The following HNRNPU variants were observed in gnomAD, a reference collection of about 807,000 sequenced individuals.
The protein encoded by HNRNPU is heterogeneous nuclear ribonucleoprotein U.
A neutral mutation model predicts 94.7 loss-of-function variants in HNRNPU; 5 were observed. That is an observed-to-expected ratio of 0.05 (90% CI 0.03 to 0.11). HNRNPU has a LOEUF of 0.11. Ranked by LOEUF, HNRNPU falls within the 10% of genes least tolerant of loss-of-function variation. HNRNPU has a pLI of 1.00. For missense variants in HNRNPU, 710 were observed against 1,049.2 expected, an observed-to-expected ratio of 0.68 and a Z score of 4.47; for synonymous variants, 434 against 381.6, an observed-to-expected ratio of 1.14 and a Z score of -1.60.
intron 13 of HNRNPU, 155 bp downstream of exon 13, chr1:244,854,818 G>A: frequency 1.7e-6 from 1 of 583,242 alleles, no homozygotes; most frequent in Non-Finnish European, 2.9e-6. Context: ...GCCTTCAAAA[G>A]GTAGATTATG....
At chr1:244,856,211 C>T in intron 10 of HNRNPU, 53 bp from the exon 11 acceptor site, 1 of 1,538,760 alleles carries the variant, frequency 6.5e-7, no homozygotes, top group East Asian at 2.2e-5. Flanking sequence ...CGAATCCTCA[C>T]AATCCTAAAG....
Position 244,864,339 on chromosome 1 carries a change from C to T in HNRNPU, c.-32G>A. On this transcript the variant is annotated 5_prime_UTR_variant, in exon 1 of 14. Coordinates refer to ENST00000640218, the MANE Select transcript of HNRNPU (RefSeq NM_031844.3). ...GGCCCCGATTCACCGCTAGGCGCTGCCTCAAACTCGGCTCCGCTCACTCGG... is the reference window on the plus strand; with the variant it reads ...GGCCCCGATTCACCGCTAGGCGCTGTCTCAAACTCGGCTCCGCTCACTCGG... The T allele has an allele frequency of 6.2e-7, 1 of 1,605,356 alleles. No homozygotes were observed. The highest frequency in any genetic ancestry group is 1.1e-5 in the South Asian group (1 of 89,966).
At chr1:244,855,391 T>C (rs1243072345) in intron 12 of HNRNPU, 33 bp downstream of exon 12, 1 of 1,598,230 alleles carries the variant, frequency 6.3e-7, no homozygotes, top group Non-Finnish European at 8.6e-7. Context: ...GCTACAGTTA[T>C]CAATCATGCT....
intron 10 of HNRNPU, 27 bp from the exon 11 acceptor site, chr1:244,856,185 A>G (rs368623466): frequency 7.0e-6 from 11 of 1,580,066 alleles, no homozygotes; most frequent in East Asian, 4.5e-5. Flanking sequence ...CATATTATTA[A>G]TTTAGAAACC....
intron 10 of HNRNPU, 38 bp from the exon 11 acceptor site, chr1:244,856,196 C>T: frequency 2.6e-6 from 4 of 1,566,486 alleles, no homozygotes; most frequent in Non-Finnish European, 3.5e-6. Context: ...TTTAGAAACC[C>T]ACCACGAATC....
rs899381913 is a variant in HNRNPU at position 244,850,604 on chromosome 1, G to T, written c.*3846C>A. ...TAGTAATTCAAATTACTGTTTTAGA[G>T]ATCTCAGGTAGTTAACCAATTCTTG... is the stretch of plus-strand genomic sequence containing the variant. On this transcript the variant is annotated 3_prime_UTR_variant, in exon 14 of 14. Coordinates refer to ENST00000640218, the MANE Select transcript of HNRNPU (RefSeq NM_031844.3). 1.3e-5 allele frequency: 2 copies of T among 152,036 alleles called. No individual in the cohort carries two copies. Among genetic ancestry groups the T allele is most frequent in the Non-Finnish European group, 2.9e-5 (2 of 68,006 alleles). 9.4% of individuals were successfully genotyped at this position (152,036 alleles called of 1,614,324 possible). A position where few individuals can be genotyped will look rare whatever the true frequency, so the allele number is the denominator to read the frequency against.
At position 244,863,664 on chromosome 1, in the gene HNRNPU, T is replaced by G. The variant is rs780601141; in HGVS notation, c.644A>C (p.Lys215Thr). 1.3e-5 allele frequency: 20 copies of G among 1,560,006 alleles called. No homozygotes were observed. Among genetic ancestry groups the G allele is most frequent in the African/African-American group, 7.1e-5 (5 of 70,626 alleles). The change falls in exon 1 of 14, where the codon AAG becomes ACG. Residue 215 changes from lysine to threonine, a missense_variant. Physicochemically the swap from Lys to Thr is moderately conservative, Grantham distance 78. Transcript: ENST00000640218. ...ACCGCCGCCTCCGCCGCCTTCCGCC[T>G]TCTTCTTACCTCCCGCCTGCTGCTG... ...QGQQQAGGKK[K>T]AEGGGGGGRP...
chr1:244,859,000 G>C (rs564138550), intron 5 of HNRNPU, 159 bp from the exon 6 acceptor site: 9 of 595,718 alleles, frequency 1.5e-5, no homozygotes, highest in East Asian at 8.4e-5. Flanking sequence ...AGAATTGATG[G>C]AAGTTAGGAG....
chr1:244,864,514 G>C lies in HNRNPU; in HGVS notation c.-207C>G, dbSNP rs1558191140. 6.1e-6 allele frequency: 5 copies of C among 815,620 alleles called. No homozygotes were observed. The highest frequency in any genetic ancestry group is 7.2e-6 in the Non-Finnish European group (4 of 554,042). 50.5% of individuals were successfully genotyped at this position (815,620 alleles called of 1,614,324 possible). A position where few individuals can be genotyped will look rare whatever the true frequency, so the allele number is the denominator to read the frequency against. On this transcript the variant is annotated 5_prime_UTR_variant, in exon 1 of 14. Transcript: ENST00000640218. ...GTTCGCGAGGGAGACGCGGAGACTC[G>C]CCTGGCGCGAGCGAGCACGCAACGT...
chr1:244,863,457 T>C (rs1680906704), intron 1 of HNRNPU, among the ~76,000 whole-genome samples, 160 bp downstream of exon 1: 1 of 145,914 alleles, frequency 6.9e-6, no homozygotes, highest in African/African-American at 2.6e-5. Flanking sequence ...GCCCGAGGCC[T>C]CTCGGCTAAT....
At chr1:244,858,705 C>A (rs200749940) in intron 6 of HNRNPU, 24 bp downstream of exon 6, 1 of 1,268,496 alleles carries the variant, frequency 7.9e-7, no homozygotes, top group East Asian at 2.3e-5. Context: ...GCCATTTATA[C>A]ATAGAAAGTT....
Position 244,858,288 on chromosome 1 carries a change from A to G in HNRNPU, c.1231-14T>C, listed in dbSNP as rs775848738. The G allele has an allele frequency of 6.2e-7, 1 of 1,603,320 alleles. No individual in the cohort carries two copies. Among genetic ancestry groups the G allele is most frequent in the South Asian group, 1.1e-5 (1 of 89,500 alleles). On this transcript the variant is annotated splice_polypyrimidine_tract_variant and intron_variant, in intron 6 of 13. Transcript: ENST00000640218. ...ACTTTCAAAGTTCTGTTACACAGAA[A>G]AAAATTCAACAGTTAAAATCTGCTT...
rs1680942651 is a variant in HNRNPU, at chr1:244,864,314, G to A, written c.-7C>T. 3 of 1,611,628 alleles carry A rather than the reference G, an allele frequency of 1.9e-6. No homozygotes were observed. The highest frequency in any genetic ancestry group is 2.5e-6 in the Non-Finnish European group (3 of 1,179,498). On this transcript the variant is annotated 5_prime_UTR_variant, in exon 1 of 14. Transcript: ENST00000640218. ...TAACAGGCGAGGAACTCATGGTGAG[G>A]GCCCCGATTCACCGCTAGGCGCTGC...
In HNRNPU at chr1:244,862,515, G is replaced by A. The variant is rs1680864558; in HGVS notation, c.823C>T (p.Pro275Ser). ...KYSRAKSPQP[P>S]VEEEDEHFDD... The stretch of plus-strand genomic sequence containing the variant: ...AAGTGTTCATCTTCTTCTTCAACAG[G>A]TGGCTGAGGAGATTTGGCTCTGAAA... Residue 275 changes from proline (P) to serine (S), a missense_variant, in exon 3 of 14, where the codon CCT becomes TCT. Pro to Ser is a moderately conservative substitution (Grantham distance 74, BLOSUM62 -1). This residue lies in a region of HNRNPU where 13 missense variants were observed against 45.3 expected (regional missense o/e 0.29). Transcript: ENST00000640218. 6.2e-7 allele frequency: 1 copy of A among 1,613,764 alleles called. No homozygotes were observed. Among genetic ancestry groups the A allele is most frequent in the African/African-American group, 1.3e-5 (1 of 74,842 alleles).
intron 7 of HNRNPU, 60 bp from the exon 8 acceptor site, chr1:244,857,777 A>G: frequency 6.4e-7 from 1 of 1,563,298 alleles, no homozygotes; most frequent in Non-Finnish European, 8.7e-7. Context: ...ATAATTCTTT[A>G]AATATTGTTA....
At position 244,864,121 on chromosome 1, in the gene HNRNPU, C is replaced by T; in HGVS notation, c.187G>A (p.Gly63Ser). The change falls in exon 1 of 14, where the codon GGC (glycine) becomes AGC (serine). Residue 63 changes from glycine (G) to serine (S), a missense_variant. By Grantham distance (56) the Gly-to-Ser change is moderately conservative. Around this residue, in one of 8 missense-constraint regions of HNRNPU, gnomAD observed 292 missense variants for 293.4 expected, o/e 1.00. Coordinates refer to ENST00000640218, the MANE Select transcript of HNRNPU (RefSeq NM_031844.3). ...MEPGNGSLDL[G>S]GDSAGRSGAG... The stretch of plus-strand genomic sequence containing the variant: ...CCCGAGCGCCCAGCGGAATCCCCGC[C>T]CAGGTCTAGGCTGCCGTTCCCGGGC... The T allele has an allele frequency of 1.9e-6, 3 of 1,598,608 alleles. No homozygotes were observed. The highest frequency in any genetic ancestry group is 2.6e-6 in the Non-Finnish European group (3 of 1,172,758).
chr1:244,857,366 C>T (rs913936670), intron 8 of HNRNPU: 1 of 398,348 alleles, frequency 2.5e-6, no homozygotes, highest in South Asian at 4.1e-5. Context: ...CCTGCCTCAA[C>T]CTCCCGAGCA....
intron 12 of HNRNPU, 23 bp from the exon 13 acceptor site, chr1:244,855,067 A>G (rs1249058047): frequency 6.9e-6 from 11 of 1,593,624 alleles, no homozygotes; most frequent in South Asian, 1.1e-5. Flanking sequence ...AATACTCTCT[A>G]AGAGCTCTGA....
In HNRNPU at chr1:244,852,303, A is replaced by G. The variant is rs970292394; in HGVS notation, c.*2147T>C. ...ATTTTTCTGGGTGCCATTTTTATCTATTCTCTCTCCCCCCAAATTCTCTGG... is the reference window on the plus strand; with the variant it reads ...ATTTTTCTGGGTGCCATTTTTATCTGTTCTCTCTCCCCCCAAATTCTCTGG... On this transcript the variant is annotated 3_prime_UTR_variant, in exon 14 of 14. Coordinates refer to ENST00000640218, the MANE Select transcript of HNRNPU (RefSeq NM_031844.3). The G allele has an allele frequency of 1.3e-5, 2 of 152,060 alleles. No individual in the cohort carries two copies. The highest frequency in any genetic ancestry group is 4.8e-5 in the African/African-American group (2 of 41,406). 9.4% of individuals were successfully genotyped at this position (152,060 alleles called of 1,614,324 possible). A position where few individuals can be genotyped will look rare whatever the true frequency, so the allele number is the denominator to read the frequency against.
Sources: gnomAD v4.1 joint callset for allele counts (sites outside exome capture counted in the v4.1 genomes callset) on GRCh38, gnomAD v4.1.1 for gene constraint, gnomAD v4.1.1 regional missense constraint, MANE v1.5 for transcripts, NCBI Gene and HGNC (gene_info 2026-07-23, HGNC 2026-07-21) for gene names.